Variants in ALCAM observed in about 807,000 individuals in gnomAD.
The protein encoded by ALCAM is activated leukocyte cell adhesion molecule.
Under a neutral mutation model 70.9 loss-of-function variants are expected in ALCAM, and 30 were observed. That is an observed-to-expected ratio of 0.42 (90% CI 0.32 to 0.57). The LOEUF is 0.57. Ranked by LOEUF, ALCAM falls within the 20% of genes least tolerant of loss-of-function variation. ALCAM has a pLI of 0.11. For synonymous variants in ALCAM, 249 were observed against 242.5 expected (o/e 1.03, Z -0.25); for missense variants, 591 against 695.1 (o/e 0.85, Z 1.68).
intron 1 of ALCAM, among the ~76,000 whole-genome samples, chr3:105,381,273 A>G (rs1400095252): frequency 6.6e-6 from 1 of 151,970 alleles, no homozygotes; most frequent in African/African-American, 2.4e-5. Flanking sequence ...TTATACACCC[A>G]ACTGATTCAC....
At chr3:105,572,915 CTT>C (rs1559661738) in intron 15 of ALCAM, among the ~76,000 whole-genome samples, 1 of 152,176 alleles carries the variant, frequency 6.6e-6, no homozygotes, top group African/African-American at 2.4e-5. Context: ...AATGCAAAAA[CTT>C]TAAGTGCAAA....
intron 1 of ALCAM, among the ~76,000 whole-genome samples, chr3:105,501,941 A>G (rs1414205238): frequency 6.6e-6 from 1 of 152,254 alleles, no homozygotes; most frequent in Non-Finnish European, 1.5e-5. Context: ...GAAAACACTT[A>G]TCAATTGATA....
At chr3:105,550,030 G>T in intron 11 of ALCAM, 97 bp from the exon 12 acceptor site, 1 of 1,167,530 alleles carries the variant, frequency 8.6e-7, no homozygotes, top group East Asian at 2.4e-5. Context: ...ATGCTCTATA[G>T]AGCACCACGC....
At chr3:105,534,619 G>A in intron 5 of ALCAM, 44 bp from the exon 6 acceptor site, 1 of 1,564,504 alleles carries the variant, frequency 6.4e-7, no homozygotes, top group Non-Finnish European at 8.8e-7. Context: ...GATTGTGATT[G>A]TCAGATGAAA....
intron 6 of ALCAM, 51 bp downstream of exon 6, chr3:105,534,896 T>G: frequency 6.7e-7 from 1 of 1,481,678 alleles, no homozygotes; most frequent in Non-Finnish European, 9.1e-7. Flanking sequence ...GAAATAATAT[T>G]CAAATGCTAT....
chr3:105,464,656 A>T (rs934730792), intron 1 of ALCAM, among the ~76,000 whole-genome samples: 3 of 151,422 alleles, frequency 2.0e-5, no homozygotes, highest in African/African-American at 7.3e-5. Flanking sequence ...AGAAGACTGG[A>T]TCTGTTGATT....
chr3:105,440,362 T>C (rs759002170), intron 1 of ALCAM, among the ~76,000 whole-genome samples: 2 of 152,218 alleles, frequency 1.3e-5, no homozygotes, highest in African/African-American at 2.4e-5. Flanking sequence ...ATTCATTGAT[T>C]ATCTACTGCC....
chr3:105,442,221 T>C (rs1937186929), intron 1 of ALCAM, among the ~76,000 whole-genome samples: 1 of 152,126 alleles, frequency 6.6e-6, no homozygotes, highest in South Asian at 2.1e-4. Context: ...ACTTCTTTTT[T>C]CTCCCTCAGG....
At chr3:105,523,799 A>G (rs1939618013) in intron 2 of ALCAM, among the ~76,000 whole-genome samples, 2 of 152,210 alleles carry the variant, frequency 1.3e-5, no homozygotes, top group African/African-American at 4.8e-5. Flanking sequence ...AAACTATTCC[A>G]TGTATAAAGG....
intron 14 of ALCAM, among the ~76,000 whole-genome samples, chr3:105,565,622 A>G (rs1356153995): frequency 1.3e-5 from 2 of 152,100 alleles, no homozygotes; most frequent in Admixed American, 1.3e-4. Context: ...TCTCCCAATT[A>G]TAGGTCACAT....
In ALCAM at chr3:105,524,477, G is replaced by A; in HGVS notation, c.363G>A (p.Val121=). 3 of 1,614,126 alleles carry A rather than the reference G, an allele frequency of 1.9e-6. No individual in the cohort carries two copies. The highest frequency in any genetic ancestry group is 2.5e-6 in the Non-Finnish European group (3 of 1,179,986). ...FVCMLVTEDN[V]FEAPTIVKVF... is the part of the protein sequence containing the mutation. ...GCATGCTAGTAACTGAGGACAACGT[G>A]TTTGAGGCACCTACAATAGTCAAGG... The change falls in exon 3 of 16, where the codon GTG becomes GTA. Residue 121 remains valine (V), a synonymous_variant. Coordinates refer to ENST00000306107, the MANE Select transcript of ALCAM (RefSeq NM_001627.4).
intron 1 of ALCAM, among the ~76,000 whole-genome samples, chr3:105,420,994 C>T (rs934728942): frequency 1.3e-5 from 2 of 151,250 alleles, no homozygotes; most frequent in African/African-American, 4.8e-5. Context: ...AAAGTTAACT[C>T]CGGGGCAACT....
At chr3:105,454,039 A>T (rs61522255) in intron 1 of ALCAM, among the ~76,000 whole-genome samples, 1 of 152,072 alleles carries the variant, frequency 6.6e-6, no homozygotes, top group South Asian at 2.1e-4. Context: ...TCATTTTTCC[A>T]ATTACACAGA....
chr3:105,370,065 C>A (rs962957880), intron 1 of ALCAM, among the ~76,000 whole-genome samples: 1 of 152,316 alleles, frequency 6.6e-6, no homozygotes, highest in African/African-American at 2.4e-5. Flanking sequence ...TCTGTATGAA[C>A]CCCTCTATGG....
rs1939645423 is a variant in ALCAM, at chr3:105,524,519, T to G, written c.394+11T>G. The G allele has an allele frequency of 6.2e-7, 1 of 1,613,784 alleles. No homozygotes were observed. The highest frequency in any genetic ancestry group is 1.3e-5 in the African/African-American group (1 of 74,938). ...TAGTCAAGGTGTTCAGTAAGTAGTC[T>G]GCAGCAGTGTCACTGCTAAGTGGGA... is the stretch of plus-strand genomic sequence containing the variant. On this transcript the variant is annotated intron_variant, in intron 3 of 15. Coordinates refer to ENST00000306107, the MANE Select transcript of ALCAM (RefSeq NM_001627.4).
intron 1 of ALCAM, among the ~76,000 whole-genome samples, chr3:105,471,127 C>A (rs1467310477): frequency 1.3e-5 from 2 of 151,288 alleles, no homozygotes; most frequent in East Asian, 3.9e-4. Flanking sequence ...ACATGTAGGT[C>A]AACTTATTGG....
At chr3:105,535,703 A>G (rs1310410737) in intron 6 of ALCAM, among the ~76,000 whole-genome samples, 5 of 151,760 alleles carry the variant, frequency 3.3e-5, no homozygotes, top group South Asian at 2.1e-4. Context: ...TTATCACAAT[A>G]TAAACATAGA....
In ALCAM at chr3:105,547,626, A is replaced by C. The variant is rs1190484897; in HGVS notation, c.1374+103A>C. 4.8e-6 allele frequency: 7 copies of C among 1,452,954 alleles called. No homozygotes were observed. The East Asian group carries it at 7.0e-5, about 14-fold the overall frequency. The allele number at this position is 1,452,954 out of a possible 1,614,324, so 90.0% of individuals were successfully genotyped here. A position where few individuals can be genotyped will look rare whatever the true frequency, so the allele number is the denominator to read the frequency against. On this transcript the variant is annotated intron_variant, in intron 11 of 15. Transcript: ENST00000306107. Reference sequence around the variant, plus strand: ...TGGTTTGTTACCACATAAAATTTGCAGTGTGTAGGTTGGTTTGTTACCACA... The same window carrying C: ...TGGTTTGTTACCACATAAAATTTGCCGTGTGTAGGTTGGTTTGTTACCACA...
At position 105,479,542 on chromosome 3, in the gene ALCAM, T is replaced by A. The variant is rs145839537; in HGVS notation, c.74-40525T>A. Among the ~76,000 whole-genome samples the A allele has an allele frequency of 3.7e-4, 57 of 152,334 alleles. No individual in the cohort carries two copies. In the East Asian group the frequency reaches 0.011, roughly 29 times the overall value. Reference sequence around the variant, plus strand: ...CAAATGGAACATATGAATTTCTGGCTTTTCACATTATTTTCTAGAAAGAGA... The same window carrying A: ...CAAATGGAACATATGAATTTCTGGCATTTCACATTATTTTCTAGAAAGAGA... On this transcript the variant is annotated intron_variant, in intron 1 of 15. Transcript: ENST00000306107.
Sources: allele counts gnomAD v4.1 joint callset (sites outside exome capture counted in the v4.1 genomes callset), GRCh38; gene constraint gnomAD v4.1.1; transcripts MANE v1.5; gene names NCBI Gene and HGNC (gene_info 2026-07-23, HGNC 2026-07-21).